The following CRISP2 variants were observed in gnomAD, a reference collection of about 807,000 sequenced individuals.
CRISP2 encodes the protein cysteine-rich secretory protein 2.
CRISP2 carries 29 observed loss-of-function variants against 31.7 expected under a neutral mutation model. The observed-to-expected ratio is 0.92, with a 90% CI of 0.68 to 1.25. CRISP2 has a LOEUF of 1.25. Ranked by LOEUF, CRISP2 falls within the 50% of genes most tolerant of loss-of-function variation. The probability of loss-of-function intolerance (pLI) is 0.00; values close to 1 mark genes in which losing one functional copy is unlikely to be tolerated. For synonymous variants in CRISP2, 111 were observed against 101.4 expected, an observed-to-expected ratio of 1.09 and a Z score of -0.57; for missense variants, 318 against 286.5, an observed-to-expected ratio of 1.11 and a Z score of -0.79.
downstream of CRISP2, among the ~76,000 whole-genome samples, chr6:49,689,606 A>G (rs1397438809): frequency 6.6e-6 from 1 of 152,114 alleles, no homozygotes; most frequent in East Asian, 1.9e-4. Flanking sequence ...TTTTAAAAAT[A>G]ATAACAATAA....
chr6:49,701,863 AT>A (rs1306391089), intron 4 of CRISP2, among the ~76,000 whole-genome samples: 3 of 102,954 alleles, frequency 2.9e-5, no homozygotes, highest in Non-Finnish European at 5.4e-5. Flanking sequence ...AATATATATT[AT>A]TATATATTAT....
In CRISP2 at chr6:49,712,553, A is replaced by G. The variant is rs1561896354; in HGVS notation, c.-99T>C. 6.6e-6 allele frequency: 1 copy of G among 152,066 alleles called. No individual in the cohort carries two copies. The highest frequency in any genetic ancestry group is 2.4e-5 in the African/African-American group (1 of 41,424). The allele number at this position is 152,066 out of a possible 1,614,324, so 9.4% of individuals were successfully genotyped here. A position where few individuals can be genotyped will look rare whatever the true frequency, so the allele number is the denominator to read the frequency against. ...GCAGGTGTTTTAAGATCAGGATGAC[A>G]TGGTTTTCCTAGAGTGTCTTTAGGA... On this transcript the variant is annotated 5_prime_UTR_variant, in exon 2 of 10. An upstream start codon of the reference 5' UTR is lost. Coordinates refer to ENST00000339139, the MANE Select transcript of CRISP2 (RefSeq NM_003296.4).
At chr6:49,699,662 G>T in intron 6 of CRISP2, 142 bp downstream of exon 6, 1 of 612,470 alleles carries the variant, frequency 1.6e-6, no homozygotes, top group South Asian at 2.2e-5. Context: ...ATACCCCTCT[G>T]TATACAGATA....
At chr6:49,702,462 C>A (rs954506874) in intron 4 of CRISP2, among the ~76,000 whole-genome samples, 26 of 151,614 alleles carry the variant, frequency 1.7e-4, no homozygotes, top group African/African-American at 6.0e-4. Context: ...ACATCCACAC[C>A]GGTATCTATT....
chr6:49,692,888 T>C lies in CRISP2; in HGVS notation c.617A>G (p.Gln206Arg). ...ACAGTTACTTAGGAGATCTTGATACTGGCAACTATTGGCTGTAACAAAAAC... is the reference window on the plus strand; with the variant it reads ...ACAGTTACTTAGGAGATCTTGATACCGGCAACTATTGGCTGTAACAAAAAC... ...CDKGLCTNSC[Q>R]YQDLLSNCDS... Residue 206 changes from glutamine to arginine, a missense_variant, in exon 10 of 10, where the codon CAG becomes CGG. Physicochemically the swap from Gln to Arg is conservative, Grantham distance 43. Coordinates refer to ENST00000339139, the MANE Select transcript of CRISP2 (RefSeq NM_003296.4). The C allele has an allele frequency of 6.2e-7, 1 of 1,613,510 alleles. No individual in the cohort carries two copies. Among genetic ancestry groups the C allele is most frequent in the Non-Finnish European group, 8.5e-7 (1 of 1,179,530 alleles).
intron 4 of CRISP2, among the ~76,000 whole-genome samples, 175 bp from the exon 5 acceptor site, chr6:49,700,959 C>A (rs1765567914): frequency 6.6e-6 from 1 of 152,016 alleles, no homozygotes; most frequent in Non-Finnish European, 1.5e-5. Flanking sequence ...AGTTGTTAAG[C>A]ATTGCCACTA....
At chr6:49,708,908 T>G (rs1484947886) in intron 4 of CRISP2, among the ~76,000 whole-genome samples, 1 of 152,226 alleles carries the variant, frequency 6.6e-6, no homozygotes, top group Non-Finnish European at 1.5e-5. Context: ...TCATTTCAAG[T>G]GTTCAGTAGT....
At chr6:49,694,746 T>C (rs1381779300) in intron 9 of CRISP2, among the ~76,000 whole-genome samples, 1 of 151,282 alleles carries the variant, frequency 6.6e-6, no homozygotes, top group Non-Finnish European at 1.5e-5. Context: ...TTTTCTTTTT[T>C]TTTTTTTTGA....
chr6:49,676,660 C>T, the CRISP2 span, among the ~76,000 whole-genome samples: 4 of 152,042 alleles, frequency 2.6e-5, no homozygotes, highest in East Asian at 1.9e-4. Context: ...GGTTTACAGC[C>T]GAGAATGAGT....
At position 49,712,551 on chromosome 6, in the gene CRISP2, A is replaced by T. The variant is rs1459420509; in HGVS notation, c.-97T>A. 1 of 152,090 alleles carries T rather than the reference A, an allele frequency of 6.6e-6. No homozygotes were observed. The highest frequency in any genetic ancestry group is 1.5e-5 in the Non-Finnish European group (1 of 68,018). 9.4% of individuals were successfully genotyped at this position (152,090 alleles called of 1,614,324 possible). ...TTGCAGGTGTTTTAAGATCAGGATG[A>T]CATGGTTTTCCTAGAGTGTCTTTAG... is the stretch of plus-strand genomic sequence containing the variant. On this transcript the variant is annotated 5_prime_UTR_variant, in exon 2 of 10. Transcript: ENST00000339139.
At chr6:49,691,763 G>A (rs1435580948), downstream of CRISP2, among the ~76,000 whole-genome samples, 1 of 151,776 alleles carries the variant, frequency 6.6e-6, no homozygotes, top group Non-Finnish European at 1.5e-5. Flanking sequence ...AACCATTTGG[G>A]GGCCTAGAAA....
At chr6:49,688,610 T>G (rs1374674062), downstream of CRISP2, among the ~76,000 whole-genome samples, 1 of 152,140 alleles carries the variant, frequency 6.6e-6, no homozygotes, top group Non-Finnish European at 1.5e-5. Context: ...ACCTGTTGAG[T>G]GGGGATTGCC....
At chr6:49,702,552 T>C (rs1766280712) in intron 4 of CRISP2, among the ~76,000 whole-genome samples, 1 of 152,066 alleles carries the variant, frequency 6.6e-6, no homozygotes, top group Non-Finnish European at 1.5e-5. Context: ...ATTTCCCTGA[T>C]AATTAATAAT....
chr6:49,701,111 C>A (rs1197052720), intron 4 of CRISP2, among the ~76,000 whole-genome samples: 6 of 151,952 alleles, frequency 3.9e-5, no homozygotes, highest in African/African-American at 1.5e-4. Context: ...CCACAAATGC[C>A]GATTTCTGGT....
At chr6:49,702,201 T>A in intron 4 of CRISP2, among the ~76,000 whole-genome samples, 1 of 128,828 alleles carries the variant, frequency 7.8e-6, no homozygotes, top group Non-Finnish European at 1.6e-5. Flanking sequence ...CTTTATCCAC[T>A]CATTGATTAA....
chr6:49,678,122 T>TAAAACA, the CRISP2 span, among the ~76,000 whole-genome samples: 4 of 152,152 alleles, frequency 2.6e-5, no homozygotes, highest in Middle Eastern at 6.8e-3. Flanking sequence ...TTCAGAATTA[T>TAAAACA]AAAACAAAAA....
intron 4 of CRISP2, among the ~76,000 whole-genome samples, chr6:49,701,996 T>A (rs1360465626): frequency 3.9e-5 from 3 of 76,810 alleles, no homozygotes; most frequent in Admixed American, 2.0e-4. Context: ...ATATAATATA[T>A]TATATTATAC....
intron 4 of CRISP2, among the ~76,000 whole-genome samples, chr6:49,701,653 CATTATATATGTATACATTATATA>C: frequency 8.3e-6 from 1 of 120,544 alleles, no homozygotes; most frequent in Non-Finnish European, 1.7e-5. Flanking sequence ...TATATGTATA[CATTATATATGTATACATTATATA>C]TGTATACATT....
intron 4 of CRISP2, among the ~76,000 whole-genome samples, chr6:49,705,611 T>G (rs1766887026): frequency 6.6e-6 from 1 of 152,178 alleles, no homozygotes; most frequent in South Asian, 2.1e-4. Flanking sequence ...CCTGTGGCCC[T>G]TCTCTAATTC....
Sources: gnomAD v4.1 joint callset for allele counts (sites outside exome capture counted in the v4.1 genomes callset) on GRCh38, gnomAD v4.1.1 for gene constraint, MANE v1.5 for transcripts, NCBI Gene and HGNC (gene_info 2026-07-23, HGNC 2026-07-21) for gene names.